Variants in TTF2 observed in about 807,000 individuals in gnomAD.
The protein encoded by TTF2 is transcription termination factor 2, also known as RNA polymerase II termination factor.
A neutral mutation model predicts 142.4 loss-of-function variants in TTF2; 108 were observed. That is an observed-to-expected ratio of 0.76 (90% CI 0.65 to 0.89). The LOEUF is 0.89. TTF2 is among the 40% of genes least tolerant of loss of function. The pLI is 0.00. For synonymous variants in TTF2, 483 were observed against 506.2 expected (o/e 0.95, Z 0.61); for missense variants, 1,327 against 1,379.8 (o/e 0.96, Z 0.61).
chr1:117,091,963 C>T lies in TTF2; in HGVS notation c.2805+13C>T. The stretch of plus-strand genomic sequence containing the variant: ...TTTACTGAAGTCGGTAAGAAAAGCC[C>T]TCAGCCTGCTGTCATATAGTGCTCC... On this transcript the variant is annotated intron_variant, in intron 17 of 22. Transcript: ENST00000369466. 1.9e-6 allele frequency: 3 copies of T among 1,610,156 alleles called. No homozygotes were observed. The highest frequency in any genetic ancestry group is 2.5e-6 in the Non-Finnish European group (3 of 1,179,010).
At chr1:117,096,843 G>A (rs985138801) in intron 20 of TTF2, among the ~76,000 whole-genome samples, 10 of 152,348 alleles carry the variant, frequency 6.6e-5, no homozygotes, top group Non-Finnish European at 1.5e-4. Context: ...GAGCTGGTTA[G>A]GTTGAGGGGA....
Position 117,086,435 on chromosome 1 carries a change from C to G in TTF2, c.2073C>G (p.Ile691Met). ...SRARVLSTYDIVITTYSLVAK... is the reference protein window; with the variant it reads ...SRARVLSTYDMVITTYSLVAK... ...TACGCAGCCTCTCTACATATGACAT[C>G]GTGATCACTACCTATAGCCTCGTGG... The change falls in exon 12 of 23, where the codon ATC (isoleucine) becomes ATG (methionine). Residue 691 changes from isoleucine to methionine, a missense_variant. Physicochemically the swap from Ile to Met is conservative, Grantham distance 10. Transcript: ENST00000369466. The surrounding 1 kb of genome is among the most constrained non-coding windows in gnomAD (Gnocchi z 4.2). The G allele has an allele frequency of 6.2e-7, 1 of 1,613,888 alleles. No individual in the cohort carries two copies. Among genetic ancestry groups the G allele is most frequent in the South Asian group, 1.1e-5 (1 of 91,066 alleles).
Position 117,081,909 on chromosome 1 carries a change from A to G in TTF2, c.1865A>G (p.Lys622Arg). 1 of 1,614,212 alleles carries G rather than the reference A, an allele frequency of 6.2e-7. No homozygotes were observed. Among genetic ancestry groups the G allele is most frequent in the Non-Finnish European group, 8.5e-7 (1 of 1,180,020 alleles). Residue 622 changes from lysine (K) to arginine (R), a missense_variant, in exon 10 of 23, where the codon AAG (lysine) becomes AGG (arginine). Lys to Arg is a conservative substitution (Grantham distance 26). Transcript: ENST00000369466. ...AAGAATCAAGAGAAAAAGGAAGAAA[A>G]GGAGAAAAGCACAGCTTTGACGTGG... ...TQKNQEKKEEKEKSTALTWLS... is the reference protein window; with the variant it reads ...TQKNQEKKEEREKSTALTWLS...
Position 117,088,969 on chromosome 1 carries a change from T to C in TTF2, c.2329T>C (p.Tyr777His). 6.2e-7 allele frequency: 1 copy of C among 1,611,682 alleles called. No homozygotes were observed. Among genetic ancestry groups the C allele is most frequent in the Non-Finnish European group, 8.5e-7 (1 of 1,179,034 alleles). The part of the protein sequence containing the change: ...TPIQNNLLDM[Y>H]SLLKFLRCSP... The stretch of plus-strand genomic sequence containing the variant: ...CATTCAAAACAACTTATTGGATATG[T>C]ATTCGCTGCTGAAGTGAGTAACTTC... The change falls in exon 13 of 23, where the codon TAT becomes CAT. Residue 777 changes from tyrosine (Y) to histidine (H), a missense_variant. Physicochemically the swap from Tyr to His is moderately conservative, Grantham distance 83. Coordinates refer to ENST00000369466, the MANE Select transcript of TTF2 (RefSeq NM_003594.4).
rs751174047 is a variant in TTF2 at position 117,084,398 on chromosome 1, A to G, written c.2054+230A>G. Among the ~76,000 whole-genome samples, 9 of 152,186 alleles carry G rather than the reference A, an allele frequency of 5.9e-5. No individual in the cohort carries two copies. In the East Asian group the frequency reaches 1.7e-3, roughly 29 times the overall value. On this transcript the variant is annotated intron_variant, in intron 11 of 22. Coordinates refer to ENST00000369466, the MANE Select transcript of TTF2 (RefSeq NM_003594.4). Reference sequence around the variant, plus strand: ...CCTCAATGAAAGCTGCCCTGTGAGGAGGCCTGAGATGCCGGAGCTGCCATT... The same window carrying G: ...CCTCAATGAAAGCTGCCCTGTGAGGGGGCCTGAGATGCCGGAGCTGCCATT...
Position 117,102,151 on chromosome 1 carries a change from A to G in TTF2, c.*627A>G, listed in dbSNP as rs1649633462. 6.6e-6 allele frequency: 1 copy of G among 152,122 alleles called. No individual in the cohort carries two copies. Among genetic ancestry groups the G allele is most frequent in the Non-Finnish European group, 1.5e-5 (1 of 68,064 alleles). The allele number at this position is 152,122 out of a possible 1,614,324, so 9.4% of individuals were successfully genotyped here. ...AGTGAGACCCTGTCTCAAAAAAAGG[A>G]AAAAAAAGCTCAAAAAGTTCTGTGT... On this transcript the variant is annotated 3_prime_UTR_variant, in exon 23 of 23. Transcript: ENST00000369466.
intron 19 of TTF2, among the ~76,000 whole-genome samples, chr1:117,095,616 A>C (rs1410127343): frequency 1.3e-5 from 2 of 151,526 alleles, no homozygotes; most frequent in Non-Finnish European, 2.9e-5. Context: ...AAGAAAAGCA[A>C]GCGAGTGAGG....
Position 117,092,989 on chromosome 1 carries a change from A to G in TTF2, c.2976+88A>G. On this transcript the variant is annotated intron_variant, in intron 18 of 22. Transcript: ENST00000369466. The surrounding 1 kb of genome is among the most constrained non-coding windows in gnomAD (Gnocchi z 4.4). ...ACAGCACTTCATTTGTCCAAGTGGG[A>G]ACAGCCATTTGCCAGCAGAGCTAGA... 6.7e-7 allele frequency: 1 copy of G among 1,486,014 alleles called. No individual in the cohort carries two copies. The highest frequency in any genetic ancestry group is 1.4e-5 in the African/African-American group (1 of 72,228). 92.1% of individuals were successfully genotyped at this position (1,486,014 alleles called of 1,614,324 possible).
At chr1:117,065,460 TG>T (rs1442052190) in intron 3 of TTF2, among the ~76,000 whole-genome samples, 2 of 152,120 alleles carry the variant, frequency 1.3e-5, no homozygotes, top group Non-Finnish European at 2.9e-5. Flanking sequence ...TAGCCGGGCA[TG>T]GTGGAAGGCG....
chr1:117,081,345 G>A (rs1416014153), intron 9 of TTF2, among the ~76,000 whole-genome samples: 4 of 152,176 alleles, frequency 2.6e-5, no homozygotes, highest in Admixed American at 2.6e-4. Context: ...TCAGTGATTG[G>A]TACAATGACA....
chr1:117,101,246 C>A lies in TTF2; in HGVS notation c.3345-134C>A. 1 of 915,768 alleles carries A rather than the reference C, an allele frequency of 1.1e-6. No homozygotes were observed. The allele number at this position is 915,768 out of a possible 1,614,324, so 56.7% of individuals were successfully genotyped here. On this transcript the variant is annotated intron_variant, in intron 22 of 22. Coordinates refer to ENST00000369466, the MANE Select transcript of TTF2 (RefSeq NM_003594.4). The surrounding 1 kb of genome is among the most constrained non-coding windows in gnomAD (Gnocchi z 5.9). The stretch of plus-strand genomic sequence containing the variant: ...TTGTTTGGATTCCTCAGACAGGGTT[C>A]TTAACTGGACCTAAGAAGACTTAAA...
At chr1:117,071,617 AT>A (rs1451030411) in intron 3 of TTF2, among the ~76,000 whole-genome samples, 1 of 125,252 alleles carries the variant, frequency 8.0e-6, no homozygotes, top group African/African-American at 2.5e-5. Context: ...TACTTTACCT[AT>A]TTCAGCAGAC....
intron 11 of TTF2, among the ~76,000 whole-genome samples, 200 bp downstream of exon 11, chr1:117,084,368 A>C (rs557179346): frequency 6.6e-6 from 1 of 152,260 alleles, no homozygotes; most frequent in South Asian, 2.1e-4. Flanking sequence ...TGTCCTTGTC[A>C]TTGTCCTCAA....
Position 117,086,593 on chromosome 1 carries a change from TC to T in TTF2, c.2160+73del. 9.0e-7 allele frequency: 1 copy of T among 1,115,708 alleles called. No individual in the cohort carries two copies. The highest frequency in any genetic ancestry group is 1.3e-6 in the Non-Finnish European group (1 of 742,644). 69.1% of individuals were successfully genotyped at this position (1,115,708 alleles called of 1,614,324 possible). A position where few individuals can be genotyped will look rare whatever the true frequency, so the allele number is the denominator to read the frequency against. On this transcript the variant is annotated intron_variant, in intron 12 of 22. Coordinates refer to ENST00000369466, the MANE Select transcript of TTF2 (RefSeq NM_003594.4). The surrounding 1 kb of genome is among the most constrained non-coding windows in gnomAD (Gnocchi z 4.2). The stretch of plus-strand genomic sequence containing the variant: ...GGTTTAATGGGAGTCTTTCTCAGCC[TC>T]CACGATAGCAAGAGGACCTCCCTGG...
chr1:117,079,654 G>T lies in TTF2; in HGVS notation c.1783+5G>T. ...AGCCACAAGGAGGAATTCTGGGTAA[G>T]TGTGGTATTATAAGAGTCAGCCTTT... On this transcript the variant is annotated splice_donor_5th_base_variant and intron_variant, in intron 9 of 22. Transcript: ENST00000369466. The surrounding 1 kb of genome is among the most constrained non-coding windows in gnomAD (Gnocchi z 4.2). The T allele has an allele frequency of 6.2e-7, 1 of 1,614,026 alleles. No homozygotes were observed. Among genetic ancestry groups the T allele is most frequent in the Non-Finnish European group, 8.5e-7 (1 of 1,179,850 alleles).
chr1:117,072,897 G>T (rs1570808154), intron 3 of TTF2, among the ~76,000 whole-genome samples: 1 of 152,236 alleles, frequency 6.6e-6, no homozygotes, highest in Admixed American at 6.5e-5. Context: ...CTATAGGTGT[G>T]TGCCACTGCA....
chr1:117,076,893 G>C lies in TTF2; in HGVS notation c.1573+70G>C, dbSNP rs1395635265. 1 of 1,423,504 alleles carries C rather than the reference G, an allele frequency of 7.0e-7. No individual in the cohort carries two copies. Among genetic ancestry groups the C allele is most frequent in the African/African-American group, 1.4e-5 (1 of 70,490 alleles). The allele number at this position is 1,423,504 out of a possible 1,614,324, so 88.2% of individuals were successfully genotyped here. ...GAGTTACGTGCCACCCGGTACAGTA[G>C]TCACCTCTTATCCACACTTTCAGTT... On this transcript the variant is annotated intron_variant, in intron 7 of 22. Coordinates refer to ENST00000369466, the MANE Select transcript of TTF2 (RefSeq NM_003594.4). The surrounding 1 kb of genome is among the most constrained non-coding windows in gnomAD (Gnocchi z 4.6).
Position 117,103,005 on chromosome 1 carries a change from T to TC in TTF2, c.*1481_*1482insC, listed in dbSNP as rs1649706401. Reference sequence around the variant, plus strand: ...GAGAGAAGCGATTGATGTAAGTCACTTCTAGGTGGCCCTCTACCACTTTCC... The same window carrying TC: ...GAGAGAAGCGATTGATGTAAGTCACTCTCTAGGTGGCCCTCTACCACTTTCC... On this transcript the variant is annotated 3_prime_UTR_variant, in exon 23 of 23. Coordinates refer to ENST00000369466, the MANE Select transcript of TTF2 (RefSeq NM_003594.4). 3 of 152,200 alleles carry TC rather than the reference T, an allele frequency of 2.0e-5. No homozygotes were observed. Among genetic ancestry groups the TC allele is most frequent in the Non-Finnish European group, 2.9e-5 (2 of 68,046 alleles). 9.4% of individuals were successfully genotyped at this position (152,200 alleles called of 1,614,324 possible).
chr1:117,095,326 A>G lies in TTF2; in HGVS notation c.2994A>G (p.Ala998=). ...TTTCCCAGATTTCATCTCTGTTGGC[A>G]GAATTGGAGGCAATTCAAAGAAATT... The part of the protein sequence containing the change: ...RESTKISSLL[A]ELEAIQRNSA... Residue 998 remains alanine, a synonymous_variant, in exon 19 of 23, where the codon GCA becomes GCG. Transcript: ENST00000369466. 6.2e-7 allele frequency: 1 copy of G among 1,614,198 alleles called. No homozygotes were observed. Among genetic ancestry groups the G allele is most frequent in the Non-Finnish European group, 8.5e-7 (1 of 1,180,016 alleles).
Sources: gnomAD v4.1 joint callset for allele counts (sites outside exome capture counted in the v4.1 genomes callset) on GRCh38, gnomAD v4.1.1 for gene constraint, Gnocchi (gnomAD v3.1) non-coding constraint, MANE v1.5 for transcripts, NCBI Gene and HGNC (gene_info 2026-07-23, HGNC 2026-07-21) for gene names.